CEACAM21: variants seen among roughly 807,000 people sequenced by gnomAD.
CEACAM21 encodes cell adhesion molecule CEACAM21.
In CEACAM21, 38 loss-of-function variants were observed where a neutral mutation model predicts 33.2. The observed-to-expected ratio is 1.14, with a 90% CI of 0.88 to 1.50. The LOEUF (loss-of-function observed/expected upper bound fraction) is 1.50. Among genes scored for constraint, CEACAM21 ranks in the 40% most tolerant of loss-of-function variants. The pLI, the probability that CEACAM21 is intolerant of heterozygous loss-of-function variation, is 0.00. For missense variants in CEACAM21, 385 were observed against 364.6 expected, an observed-to-expected ratio of 1.06 and a Z score of -0.46; for synonymous variants, 156 against 143.0, an observed-to-expected ratio of 1.09 and a Z score of -0.65.
chr19:41,572,854 G>A (rs150451584), upstream of CEACAM21, among the ~76,000 whole-genome samples: 1,414 of 152,268 alleles, frequency 9.3e-3, 23 homozygotes, highest in African/African-American at 0.032. Flanking sequence ...TCCACCATGG[G>A]GTGGTTGTCA....
intron 1 of CEACAM21, among the ~76,000 whole-genome samples, chr19:41,552,459 G>A (rs1447204265): frequency 1.3e-5 from 2 of 152,178 alleles, no homozygotes; most frequent in African/African-American, 2.4e-5. Context: ...GTGGGCTTTT[G>A]TTACATTCTA....
chr19:41,583,593 C>T (rs143823264), intron 3 of CEACAM21, among the ~76,000 whole-genome samples: 4 of 152,300 alleles, frequency 2.6e-5, no homozygotes, highest in Admixed American at 2.0e-4. Flanking sequence ...GTCTCACAAT[C>T]ATGATGGAAG....
chr19:41,556,697 A>G (rs1299738108), intron 1 of CEACAM21, among the ~76,000 whole-genome samples: 3 of 152,246 alleles, frequency 2.0e-5, no homozygotes, highest in Non-Finnish European at 4.4e-5. Context: ...AATTGAACCC[A>G]GGCCATGGTG....
In CEACAM21 at chr19:41,585,427, C is replaced by T; in HGVS notation, c.798-16C>T. ...TTTAACCTTGCACCTTCACAAATAA[C>T]CCTGACCTTTCCTAGGGCCAGCGAT... On this transcript the variant is annotated splice_polypyrimidine_tract_variant and intron_variant, in intron 4 of 6. Coordinates refer to ENST00000401445, the MANE Select transcript of CEACAM21 (RefSeq NM_001098506.4). The T allele has an allele frequency of 6.2e-7, 1 of 1,613,790 alleles. No individual in the cohort carries two copies. Among genetic ancestry groups the T allele is most frequent in the Non-Finnish European group, 8.5e-7 (1 of 1,179,752 alleles).
chr19:41,554,576 T>G (rs1555785110), intron 1 of CEACAM21, among the ~76,000 whole-genome samples: 1 of 152,114 alleles, frequency 6.6e-6, no homozygotes, highest in East Asian at 1.9e-4. Context: ...GCTTCCTGTA[T>G]GATTTTTGTA....
At chr19:41,560,427 G>T (rs2041811982) in intron 1 of CEACAM21, among the ~76,000 whole-genome samples, 1 of 152,030 alleles carries the variant, frequency 6.6e-6, no homozygotes, top group South Asian at 2.1e-4. Flanking sequence ...TCACTATTTT[G>T]CCCAGACTGG....
intron 3 of CEACAM21, among the ~76,000 whole-genome samples, chr19:41,583,170 T>A (rs1359843844): frequency 2.0e-5 from 3 of 152,168 alleles, no homozygotes; most frequent in Admixed American, 6.5e-5. Context: ...GTTCTGCAGA[T>A]CTCTAGGGCA....
chr19:41,569,576 C>T (rs1268701212), intron 2 of CEACAM21, among the ~76,000 whole-genome samples: 1 of 152,036 alleles, frequency 6.6e-6, no homozygotes, highest in African/African-American at 2.4e-5. Flanking sequence ...CTGCAGGGAG[C>T]TAGATACTGC....
At chr19:41,569,546 AG>A (rs2042470630) in intron 2 of CEACAM21, among the ~76,000 whole-genome samples, 1 of 152,074 alleles carries the variant, frequency 6.6e-6, no homozygotes, top group African/African-American at 2.4e-5. Context: ...CAGAGAGGGC[AG>A]GGCCTGCAGG....
At chr19:41,579,117 G>T (rs1395367016) in intron 2 of CEACAM21, among the ~76,000 whole-genome samples, 1 of 152,024 alleles carries the variant, frequency 6.6e-6, no homozygotes, top group African/African-American at 2.4e-5. Context: ...CTGTGGGAGG[G>T]TTTTCAGGGC....
rs1600310348 is a variant in CEACAM21, at chr19:41,586,802, G to C, written c.*339G>C. The C allele has an allele frequency of 3.4e-6, 1 of 292,888 alleles. No individual in the cohort carries two copies. Among genetic ancestry groups the C allele is most frequent in the Admixed American group, 4.3e-5 (1 of 23,048 alleles). The allele number at this position is 292,888 out of a possible 1,614,324, so 18.1% of individuals were successfully genotyped here. On this transcript the variant is annotated 3_prime_UTR_variant, in exon 7 of 7. Transcript: ENST00000401445. ...GTGAATGGGCCTATGGCCCACCCGG[G>C]GTCACCTGGAAAGGATCTGAATAAA... is the stretch of plus-strand genomic sequence containing the variant.
upstream of CEACAM21, among the ~76,000 whole-genome samples, chr19:41,575,783 C>T (rs1446612518): frequency 2.0e-5 from 3 of 152,148 alleles, no homozygotes; most frequent in African/African-American, 7.2e-5. Flanking sequence ...ACCCAGTGAG[C>T]CCCTTTCTAG....
At chr19:41,564,709 G>A (rs1020737003) in exon 2 of CEACAM21, 1 of 152,276 alleles carries the variant, frequency 6.6e-6, no homozygotes, top group Non-Finnish European at 1.5e-5. Context: ...CCTTGGCGGT[G>A]GTGTCACTGG....
exon 2 of CEACAM21, chr19:41,564,905 C>G (rs190146336): frequency 2.0e-4 from 30 of 152,402 alleles, no homozygotes; most frequent in African/African-American, 7.0e-4. Context: ...CCTCGGAGGT[C>G]CTCACGGCGC....
intron 1 of CEACAM21, among the ~76,000 whole-genome samples, chr19:41,554,300 T>TCTAAAGAGGGC (rs1210469057): frequency 3.3e-5 from 5 of 151,994 alleles, no homozygotes; most frequent in African/African-American, 1.2e-4. Context: ...AAAATTACCT[T>TCTAAAGAGGGC]CTAAAGAGGG....
chr19:41,563,819 G>C (rs1419394805), intron 1 of CEACAM21, among the ~76,000 whole-genome samples: 1 of 152,218 alleles, frequency 6.6e-6, no homozygotes, highest in Non-Finnish European at 1.5e-5. Flanking sequence ...ACAGGACCTA[G>C]GCAGTGGCTG....
At chr19:41,583,818 C>G (rs1370382368) in intron 3 of CEACAM21, among the ~76,000 whole-genome samples, 12 of 152,186 alleles carry the variant, frequency 7.9e-5, no homozygotes, top group Admixed American at 7.9e-4. Flanking sequence ...GATACAGAGC[C>G]TAACCATATC....
At chr19:41,568,378 T>C (rs1488180785) in intron 2 of CEACAM21, among the ~76,000 whole-genome samples, 2 of 152,170 alleles carry the variant, frequency 1.3e-5, no homozygotes, top group Non-Finnish European at 2.9e-5. Context: ...TCATGGATTT[T>C]CCCCCTATAT....
At chr19:41,579,116 G>A (rs1457139580) in intron 2 of CEACAM21, among the ~76,000 whole-genome samples, 1 of 151,994 alleles carries the variant, frequency 6.6e-6, no homozygotes, top group African/African-American at 2.4e-5. Flanking sequence ...TCTGTGGGAG[G>A]GTTTTCAGGG....
Sources: gnomAD v4.1 joint callset for allele counts (sites outside exome capture counted in the v4.1 genomes callset) on GRCh38, gnomAD v4.1.1 for gene constraint, MANE v1.5 for transcripts, NCBI Gene and HGNC (gene_info 2026-07-23, HGNC 2026-07-21) for gene names.